Variants in ARB2A observed in about 807,000 individuals in gnomAD.
The protein encoded by ARB2A is ARB2 cotranscriptional regulator A.
chr5:93,676,215 A>G, the ARB2A span, among the ~76,000 whole-genome samples: 1 of 152,210 alleles, frequency 6.6e-6, no homozygotes, highest in Non-Finnish European at 1.5e-5. Flanking sequence ...CATTATGACC[A>G]AGTACAAGTA....
chr5:93,940,537 A>G, the ARB2A span, among the ~76,000 whole-genome samples: 1 of 152,030 alleles, frequency 6.6e-6, no homozygotes, highest in South Asian at 2.1e-4. Context: ...GGCAATTTAT[A>G]GTGAAATTAA....
chr5:93,952,883 TGTC>T, the ARB2A span, among the ~76,000 whole-genome samples: 1 of 152,194 alleles, frequency 6.6e-6, no homozygotes, highest in Admixed American at 6.5e-5. Flanking sequence ...ATAAATAGCT[TGTC>T]TTGAAGCTCA....
At chr5:93,768,675 G>A in the ARB2A span, among the ~76,000 whole-genome samples, 2 of 151,886 alleles carry the variant, frequency 1.3e-5, no homozygotes, top group African/African-American at 2.4e-5. Context: ...TAAACTCCTG[G>A]GTTTAGGCAA....
At chr5:93,916,391 A>G in the ARB2A span, among the ~76,000 whole-genome samples, 6 of 152,148 alleles carry the variant, frequency 3.9e-5, no homozygotes, top group African/African-American at 1.4e-4. Flanking sequence ...TTTAAATTTA[A>G]AGTATGAAAT....
chr5:94,036,253 T>G, the ARB2A span, among the ~76,000 whole-genome samples: 1 of 152,182 alleles, frequency 6.6e-6, no homozygotes, highest in Non-Finnish European at 1.5e-5. Context: ...TTGTATATGG[T>G]CCAAATATCA....
the ARB2A span, among the ~76,000 whole-genome samples, chr5:93,800,119 G>A: frequency 6.6e-6 from 1 of 151,944 alleles, no homozygotes; most frequent in Non-Finnish European, 1.5e-5. Flanking sequence ...ACCTATATAG[G>A]AGAAATCAAT....
the ARB2A span, among the ~76,000 whole-genome samples, chr5:93,973,120 T>A: frequency 8.0e-6 from 1 of 124,694 alleles, no homozygotes; most frequent in African/African-American, 3.1e-5. Flanking sequence ...AGATAATTTT[T>A]AAATTTTTTT....
the ARB2A span, among the ~76,000 whole-genome samples, chr5:93,829,737 A>C: frequency 1.3e-5 from 2 of 152,212 alleles, no homozygotes; most frequent in South Asian, 4.1e-4. Context: ...CAGAAGAATG[A>C]ATAAAACAGT....
At chr5:93,635,875 T>C in the ARB2A span, among the ~76,000 whole-genome samples, 1,452 of 152,332 alleles carry the variant, frequency 9.5e-3, 23 homozygotes, top group African/African-American at 0.033. Flanking sequence ...GTTGAGGCTT[T>C]ATAAATGTTT....
At chr5:93,812,145 A>G in the ARB2A span, among the ~76,000 whole-genome samples, 1 of 152,134 alleles carries the variant, frequency 6.6e-6, no homozygotes, top group East Asian at 1.9e-4. Flanking sequence ...ATTACTACAT[A>G]TTTAATATGT....
chr5:93,760,071 C>A, the ARB2A span, among the ~76,000 whole-genome samples: 2 of 152,152 alleles, frequency 1.3e-5, no homozygotes, highest in East Asian at 3.9e-4. Flanking sequence ...GATTAATGTA[C>A]ACAAATCGGT....
the ARB2A span, among the ~76,000 whole-genome samples, chr5:93,956,741 G>A: frequency 6.6e-6 from 1 of 150,428 alleles, no homozygotes; most frequent in South Asian, 2.1e-4. Flanking sequence ...TCCTCTGCCT[G>A]CATCTTAAAA....
At chr5:93,775,407 A>T in the ARB2A span, among the ~76,000 whole-genome samples, 2 of 152,226 alleles carry the variant, frequency 1.3e-5, no homozygotes, top group Non-Finnish European at 2.9e-5. Flanking sequence ...ACGAGATGCC[A>T]CTGCTCACTT....
the ARB2A span, among the ~76,000 whole-genome samples, chr5:94,081,644 G>A: frequency 6.6e-6 from 1 of 152,114 alleles, no homozygotes; most frequent in Non-Finnish European, 1.5e-5. Context: ...GTCCAGAACA[G>A]GTAAATCCAT....
At chr5:93,962,207 G>GT in the ARB2A span, among the ~76,000 whole-genome samples, 1 of 152,038 alleles carries the variant, frequency 6.6e-6, no homozygotes, top group African/African-American at 2.4e-5. Flanking sequence ...CTTTTGGTTG[G>GT]TAAGACTGCA....
the ARB2A span, among the ~76,000 whole-genome samples, chr5:93,808,827 T>G: frequency 1.3e-5 from 2 of 152,006 alleles, no homozygotes; most frequent in Non-Finnish European, 2.9e-5. Context: ...TTTGTTTTTA[T>G]TAAAACCAGC....
the ARB2A span, among the ~76,000 whole-genome samples, chr5:93,681,185 A>T: frequency 2.6e-5 from 4 of 152,102 alleles, no homozygotes; most frequent in Admixed American, 1.3e-4. Flanking sequence ...CAGAATTACT[A>T]TTCCCAGTTG....
At chr5:94,088,398 G>C in the ARB2A span, among the ~76,000 whole-genome samples, 1 of 151,952 alleles carries the variant, frequency 6.6e-6, no homozygotes, top group African/African-American at 2.4e-5. Context: ...TGCAACTATT[G>C]GGCCAGGCAC....
the ARB2A span, among the ~76,000 whole-genome samples, chr5:93,886,778 C>G: frequency 2.0e-5 from 3 of 151,714 alleles, no homozygotes; most frequent in South Asian, 6.2e-4. Context: ...CACTTGACTC[C>G]GTTTTGTGTT....
Sources: allele counts gnomAD v4.1 joint callset (sites outside exome capture counted in the v4.1 genomes callset), GRCh38; gene constraint gnomAD v4.1.1; transcripts MANE v1.5; gene names NCBI Gene and HGNC (gene_info 2026-07-23, HGNC 2026-07-21).